The following ETS1 variants were observed in gnomAD, a reference collection of about 807,000 sequenced individuals.
The protein encoded by ETS1 is ETS proto-oncogene 1, transcription factor, also known as protein C-ets-1.
A neutral mutation model predicts 58.6 loss-of-function variants in ETS1; 15 were observed. The observed-to-expected ratio is 0.26, with a 90% confidence interval of 0.17 to 0.39. The LOEUF (loss-of-function observed/expected upper bound fraction) is 0.39. Ranked by LOEUF, ETS1 falls within the 10% of genes least tolerant of loss-of-function variation. The probability of loss-of-function intolerance (pLI) is 1.00; values close to 1 mark genes in which losing one functional copy is unlikely to be tolerated. For synonymous variants in ETS1, 214 were observed against 218.2 expected (o/e 0.98, Z 0.17); for missense variants, 417 against 610.5 (o/e 0.68, Z 3.34).
chr11:128,462,365 T>A lies in ETS1; in HGVS notation c.1454A>T (p.Glu485Val), dbSNP rs1438048847. 3 of 1,611,334 alleles carry A rather than the reference T, an allele frequency of 1.9e-6. No individual in the cohort carries two copies. In the South Asian group the frequency reaches 3.3e-5, roughly 18 times the overall value. The change falls in exon 10 of 10, where the codon GAG (glutamate) becomes GTG (valine). Residue 485 changes from glutamate to valine, a missense_variant. Around this residue, in one of 4 missense-constraint regions of ETS1, gnomAD observed 56 missense variants for 156.1 expected, o/e 0.36. Coordinates refer to ENST00000392668, the MANE Select transcript of ETS1 (RefSeq NM_001143820.2). ...AMLDVKPDAD[E>V] Reference sequence around the variant, plus strand: ...TCCCCAGCCCCTTCAGTGCCATCACTCGTCGGCATCTGGCTTGACGTCCAG... The same window carrying A: ...TCCCCAGCCCCTTCAGTGCCATCACACGTCGGCATCTGGCTTGACGTCCAG...
intron 3 of ETS1, among the ~76,000 whole-genome samples, chr11:128,505,631 A>G (rs979891915): frequency 6.6e-6 from 1 of 152,178 alleles, no homozygotes; most frequent in Admixed American, 6.5e-5. Context: ...CAAGCCCAAG[A>G]GGGTGGTAAG....
intron 1 of ETS1, among the ~76,000 whole-genome samples, chr11:128,585,083 A>G (rs1389552236): frequency 5.9e-4 from 20 of 34,158 alleles, no homozygotes; most frequent in African/African-American, 2.0e-3. Context: ...AAAGAGAAAG[A>G]AAGAAAGGAA....
chr11:128,579,427 C>T (rs1257158842), intron 1 of ETS1, among the ~76,000 whole-genome samples: 3 of 151,668 alleles, frequency 2.0e-5, no homozygotes, highest in South Asian at 2.1e-4. Flanking sequence ...TTTGAGAGGC[C>T]GAGGCAGGCG....
chr11:128,547,602 G>A (rs1350920049), intron 3 of ETS1, among the ~76,000 whole-genome samples: 1 of 151,666 alleles, frequency 6.6e-6, no homozygotes, highest in East Asian at 1.9e-4. Context: ...GGAAAAGACT[G>A]ATGACACAAC....
chr11:128,537,808 C>T (rs1863993852), intron 3 of ETS1, among the ~76,000 whole-genome samples: 2 of 152,150 alleles, frequency 1.3e-5, no homozygotes, highest in South Asian at 2.1e-4. Flanking sequence ...AAAAACAATA[C>T]ATTCTGGGAA....
intron 2 of ETS1, among the ~76,000 whole-genome samples, chr11:128,570,752 A>T (rs1305851336): frequency 1.3e-5 from 2 of 152,166 alleles, no homozygotes; most frequent in Non-Finnish European, 2.9e-5. Flanking sequence ...ACTTTAAATA[A>T]TGACCTCTAT....
At chr11:128,539,427 T>C (rs182522248) in intron 3 of ETS1, among the ~76,000 whole-genome samples, 5 of 152,316 alleles carry the variant, frequency 3.3e-5, no homozygotes, top group East Asian at 1.9e-4. Context: ...TAAGAATGAC[T>C]GGTAAACACG....
chr11:128,534,204 CA>C (rs1863939709), intron 3 of ETS1, among the ~76,000 whole-genome samples: 1 of 152,332 alleles, frequency 6.6e-6, no homozygotes, highest in Non-Finnish European at 1.5e-5. Context: ...CTTAACTTTT[CA>C]AACTAGTCTT....
chr11:128,482,001 T>C (rs1862500363), intron 7 of ETS1, among the ~76,000 whole-genome samples: 1 of 152,170 alleles, frequency 6.6e-6, no homozygotes, highest in Non-Finnish European at 1.5e-5. Flanking sequence ...AGGAGGGTAA[T>C]CTCTGGAAAG....
At chr11:128,562,334 G>A (rs770429690) in intron 2 of ETS1, among the ~76,000 whole-genome samples, 40 of 152,228 alleles carry the variant, frequency 2.6e-4, no homozygotes, top group Middle Eastern at 3.4e-3. Flanking sequence ...ATTTGAACCC[G>A]GGAGACAGAG....
chr11:128,528,590 G>A (rs1002068612), intron 3 of ETS1, among the ~76,000 whole-genome samples: 1 of 152,074 alleles, frequency 6.6e-6, no homozygotes, highest in African/African-American at 2.4e-5. Context: ...TACACTCCAT[G>A]GTGTTTAGCT....
At chr11:128,523,604 T>G (rs1372897216) in intron 3 of ETS1, among the ~76,000 whole-genome samples, 1 of 152,222 alleles carries the variant, frequency 6.6e-6, no homozygotes, top group East Asian at 1.9e-4. Flanking sequence ...TAATCCCAGT[T>G]TTGTGCCCTT....
intron 8 of ETS1, among the ~76,000 whole-genome samples, chr11:128,469,904 T>C (rs1247720502): frequency 2.6e-5 from 4 of 152,346 alleles, no homozygotes; most frequent in African/African-American, 9.6e-5. Context: ...AACTGGCCAA[T>C]ACGGCCGTGG....
intron 3 of ETS1, among the ~76,000 whole-genome samples, chr11:128,548,380 C>T (rs1043852448): frequency 1.7e-4 from 25 of 151,378 alleles, no homozygotes; most frequent in African/African-American, 5.8e-4. Flanking sequence ...GAGGTGGGCA[C>T]TATTATATTA....
chr11:128,500,281 C>CA (rs1331178935), intron 3 of ETS1, among the ~76,000 whole-genome samples: 13 of 152,108 alleles, frequency 8.5e-5, no homozygotes. Context: ...AAACAGAATG[C>CA]AGAGTGGCAA....
At chr11:128,470,460 T>G (rs1247128142) in intron 8 of ETS1, among the ~76,000 whole-genome samples, 1 of 152,150 alleles carries the variant, frequency 6.6e-6, no homozygotes, top group Non-Finnish European at 1.5e-5. Flanking sequence ...TTTCCTAAAA[T>G]GGAAATAGTA....
At chr11:128,504,818 C>T (rs10893883) in intron 3 of ETS1, among the ~76,000 whole-genome samples, 25,568 of 152,158 alleles carry the variant, frequency 0.17, 2,272 homozygotes, top group Middle Eastern at 0.31. Context: ...CTACTCCTCC[C>T]CAAGTTATTA....
chr11:128,522,628 G>A (rs1219132134), intron 3 of ETS1, among the ~76,000 whole-genome samples: 2 of 152,222 alleles, frequency 1.3e-5, no homozygotes, highest in Non-Finnish European at 2.9e-5. Flanking sequence ...GAGCGGGTGT[G>A]CAGGCTGGGT....
chr11:128,500,746 T>C (rs1052397428), intron 3 of ETS1, among the ~76,000 whole-genome samples: 6 of 152,148 alleles, frequency 3.9e-5, no homozygotes, highest in African/African-American at 9.7e-5. Context: ...ATTCTCAATA[T>C]TGGCAGCCAC....
Sources: allele counts gnomAD v4.1 joint callset (sites outside exome capture counted in the v4.1 genomes callset), GRCh38; gene constraint gnomAD v4.1.1; regional missense constraint gnomAD v4.1.1; transcripts MANE v1.5; gene names NCBI Gene and HGNC (gene_info 2026-07-23, HGNC 2026-07-21).